The following CERS6 variants were observed in gnomAD, a reference collection of about 807,000 sequenced individuals.
The protein encoded by CERS6 is ceramide synthase 6.
A neutral mutation model predicts 56.8 loss-of-function variants in CERS6; 26 were observed. The ratio of observed to expected loss-of-function variants is 0.46; its 90% CI spans 0.34 to 0.63. The LOEUF is 0.63. Ranked by LOEUF, CERS6 falls within the 30% of genes least tolerant of loss-of-function variation. CERS6 has a pLI of 0.01. For synonymous variants in CERS6, 164 were observed against 173.3 expected (o/e 0.95, Z 0.42); for missense variants, 415 against 467.5 (o/e 0.89, Z 1.04).
chr2:168,678,841 C>G lies in CERS6; in HGVS notation c.466-12193C>G, dbSNP rs559607361. 2.0e-5 allele frequency among the ~76,000 whole-genome samples: 3 copies of G among 152,270 alleles called. No homozygotes were observed. The South Asian group carries it at 6.2e-4, about 32-fold the overall frequency. On this transcript the variant is annotated intron_variant, in intron 4 of 9. Transcript: ENST00000305747. ...GCAATCCCACTACTGGGTATGTATT[C>G]AAAGGGAAGGAAATCAGTATGTCAA...
chr2:168,727,453 G>A (rs942629375), intron 8 of CERS6, among the ~76,000 whole-genome samples: 6 of 151,772 alleles, frequency 4.0e-5, no homozygotes, highest in Non-Finnish European at 7.4e-5. Context: ...GGAGGCTGAG[G>A]CAGGAGAATC....
Position 168,715,144 on chromosome 2 carries a change from T to C in CERS6, c.738+15T>C. 1 of 1,602,154 alleles carries C rather than the reference T, an allele frequency of 6.2e-7. No homozygotes were observed. Among genetic ancestry groups the C allele is most frequent in the Non-Finnish European group, 8.5e-7 (1 of 1,176,072 alleles). ...CTCTTCTGGAGGTAAAAGTTTTCTT[T>C]CATCTTTAAGAATACAAAATCCAAA... On this transcript the variant is annotated intron_variant, in intron 7 of 9. Coordinates refer to ENST00000305747, the MANE Select transcript of CERS6 (RefSeq NM_203463.3).
intron 3 of CERS6, among the ~76,000 whole-genome samples, chr2:168,618,734 C>T (rs950817505): frequency 6.6e-6 from 1 of 152,156 alleles, no homozygotes; most frequent in Non-Finnish European, 1.5e-5. Flanking sequence ...TCATAGATGA[C>T]ATAAGCAAAT....
intron 1 of CERS6, among the ~76,000 whole-genome samples, chr2:168,488,573 T>C (rs1338604901): frequency 6.6e-6 from 1 of 152,156 alleles, no homozygotes; most frequent in African/African-American, 2.4e-5. Flanking sequence ...TGATTGGATT[T>C]AGACACACCA....
At chr2:168,547,247 G>C (rs1695482081) in intron 1 of CERS6, among the ~76,000 whole-genome samples, 1 of 152,178 alleles carries the variant, frequency 6.6e-6, no homozygotes, top group South Asian at 2.1e-4. Flanking sequence ...ATTGCTCTGT[G>C]TAAGAAGAGT....
At chr2:168,566,219 C>T (rs570613787) in intron 3 of CERS6, among the ~76,000 whole-genome samples, 3 of 152,124 alleles carry the variant, frequency 2.0e-5, no homozygotes, top group Non-Finnish European at 4.4e-5. Context: ...AAAGATGAAT[C>T]TCCCATATGT....
At chr2:168,605,014 T>C (rs1023075207) in intron 3 of CERS6, among the ~76,000 whole-genome samples, 14 of 152,192 alleles carry the variant, frequency 9.2e-5, no homozygotes, top group African/African-American at 3.4e-4. Flanking sequence ...CCCTCCAGAC[T>C]GTTCCAATGT....
chr2:168,725,004 G>A (rs181793854), intron 8 of CERS6, among the ~76,000 whole-genome samples: 1 of 152,226 alleles, frequency 6.6e-6, no homozygotes, highest in African/African-American at 2.4e-5. Context: ...GGGGTGGGAG[G>A]TTCAGGCATG....
At chr2:168,738,954 C>A (rs1194436877) in intron 8 of CERS6, among the ~76,000 whole-genome samples, 1 of 151,558 alleles carries the variant, frequency 6.6e-6, no homozygotes, top group Non-Finnish European at 1.5e-5. Flanking sequence ...GGCACTATCT[C>A]GGCTAACTGC....
At chr2:168,707,233 G>C (rs143734378) in intron 6 of CERS6, among the ~76,000 whole-genome samples, 109 of 152,284 alleles carry the variant, frequency 7.2e-4, no homozygotes, top group African/African-American at 2.2e-3. Flanking sequence ...GTGTGTTACA[G>C]TTATCCCCCT....
chr2:168,537,383 A>G (rs1695283926), intron 1 of CERS6, among the ~76,000 whole-genome samples: 1 of 152,214 alleles, frequency 6.6e-6, no homozygotes, highest in Non-Finnish European at 1.5e-5. Context: ...TTCTGAGCAG[A>G]GTGTATGACC....
chr2:168,620,011 C>CCACACA (rs1491366442), intron 3 of CERS6, among the ~76,000 whole-genome samples: 664 of 37,182 alleles, frequency 0.018, 15 homozygotes, highest in Middle Eastern at 0.067. Context: ...GTTCCACAAT[C>CCACACA]CATACACACA....
chr2:168,619,841 A>G (rs757119728), intron 3 of CERS6, among the ~76,000 whole-genome samples: 6 of 151,918 alleles, frequency 3.9e-5, no homozygotes, highest in Non-Finnish European at 7.4e-5. Context: ...GTATCTACCC[A>G]AGGAAAAGAA....
rs777279520 is a variant in CERS6, at chr2:168,668,372, A to G, written c.466-22662A>G. Among the ~76,000 whole-genome samples the G allele has an allele frequency of 4.6e-5, 7 of 152,084 alleles. No individual in the cohort carries two copies. In the South Asian group the frequency reaches 6.2e-4, roughly 14 times the overall value. On this transcript the variant is annotated intron_variant, in intron 4 of 9. Coordinates refer to ENST00000305747, the MANE Select transcript of CERS6 (RefSeq NM_203463.3). ...TATCCATTATTCCATGGTCAACAAG[A>G]CAGCATGTCCTAAGGAGTCCTTCTG...
At chr2:168,457,056 C>T (rs1196089711) in intron 1 of CERS6, among the ~76,000 whole-genome samples, 2 of 152,218 alleles carry the variant, frequency 1.3e-5, no homozygotes, top group African/African-American at 4.8e-5. Flanking sequence ...GTTCCGGACG[C>T]GCGGCCCGGA....
At chr2:168,690,784 C>T (rs1686478965) in intron 4 of CERS6, among the ~76,000 whole-genome samples, 1 of 152,080 alleles carries the variant, frequency 6.6e-6, no homozygotes, top group Non-Finnish European at 1.5e-5. Flanking sequence ...ATAGAAAAAA[C>T]ACCAGCTGGA....
At chr2:168,624,813 A>G (rs758903643) in intron 3 of CERS6, among the ~76,000 whole-genome samples, 13 of 152,160 alleles carry the variant, frequency 8.5e-5, no homozygotes, top group East Asian at 1.9e-4. Flanking sequence ...TAATATGTCT[A>G]TCTTGTAGCT....
intron 3 of CERS6, among the ~76,000 whole-genome samples, chr2:168,620,418 T>C (rs959664162): frequency 2.0e-5 from 3 of 152,044 alleles, no homozygotes. Context: ...CAAAAACCTA[T>C]GAAAACAAAA....
intron 6 of CERS6, among the ~76,000 whole-genome samples, chr2:168,708,045 T>C (rs185128099): frequency 4.6e-5 from 7 of 152,268 alleles, no homozygotes; most frequent in Non-Finnish European, 8.8e-5. Context: ...ATTTGGGGGT[T>C]TTGGTTTTCT....
Sources: gnomAD v4.1 joint callset for allele counts (sites outside exome capture counted in the v4.1 genomes callset) on GRCh38, gnomAD v4.1.1 for gene constraint, MANE v1.5 for transcripts, NCBI Gene and HGNC (gene_info 2026-07-23, HGNC 2026-07-21) for gene names.